The following IMMP2L variants were observed in gnomAD, a reference collection of about 807,000 sequenced individuals.
IMMP2L encodes inner mitochondrial membrane peptidase subunit 2.
IMMP2L carries 18 observed loss-of-function variants against 19.3 expected under a neutral mutation model. The ratio of observed to expected loss-of-function variants is 0.93; its 90% CI spans 0.64 to 1.38. The LOEUF is 1.38. Among genes scored for constraint, IMMP2L ranks in the 40% most tolerant of loss-of-function variants. The pLI is 0.00. For synonymous variants in IMMP2L, 76 were observed against 73.0 expected, an observed-to-expected ratio of 1.04 and a Z score of -0.21; for missense variants, 233 against 218.2, an observed-to-expected ratio of 1.07 and a Z score of -0.43.
At chr7:111,201,494 C>A (rs887206101) in intron 3 of IMMP2L, among the ~76,000 whole-genome samples, 1 of 151,940 alleles carries the variant, frequency 6.6e-6, no homozygotes, top group South Asian at 2.1e-4. Context: ...GGGGGGCAGA[C>A]TGCTTGAGCC....
intron 5 of IMMP2L, among the ~76,000 whole-genome samples, chr7:110,774,982 G>A (rs1799280590): frequency 6.6e-6 from 1 of 151,992 alleles, no homozygotes; most frequent in Non-Finnish European, 1.5e-5. Flanking sequence ...AAATCCATAG[G>A]ATGGAATACC....
chr7:110,734,976 G>T (rs565907561), intron 5 of IMMP2L, among the ~76,000 whole-genome samples: 2 of 152,186 alleles, frequency 1.3e-5, no homozygotes, highest in East Asian at 3.8e-4. Flanking sequence ...ACTTGCAGAG[G>T]TTCCCTTGAC....
At chr7:111,486,839 T>C (rs1479741419) in intron 3 of IMMP2L, among the ~76,000 whole-genome samples, 2 of 152,154 alleles carry the variant, frequency 1.3e-5, no homozygotes, top group South Asian at 2.1e-4. Context: ...TAAATGTCAA[T>C]GATTTTCATG....
At position 111,050,159 on chromosome 7, in the gene IMMP2L, G is replaced by T. The variant is rs913959480; in HGVS notation, c.240-86594C>A. On this transcript the variant is annotated intron_variant, in intron 3 of 5. Transcript: ENST00000405709. ...ATAGGCATTCAATAAGCACTCACTG[G>T]ATAATCCCATACTGTCCTTTCACGA... is the stretch of plus-strand genomic sequence containing the variant. Among the ~76,000 whole-genome samples the T allele has an allele frequency of 5.3e-5, 8 of 152,260 alleles. No individual in the cohort carries two copies. The East Asian group carries it at 1.2e-3, about 22-fold the overall frequency.
chr7:110,895,796 ATT>A (rs774799462), intron 4 of IMMP2L, among the ~76,000 whole-genome samples: 1 of 152,184 alleles, frequency 6.6e-6, no homozygotes, highest in Non-Finnish European at 1.5e-5. Flanking sequence ...TTTAAAAGAT[ATT>A]TTAAAATTGT....
chr7:110,720,447 CA>C (rs1375900697), intron 5 of IMMP2L, among the ~76,000 whole-genome samples: 3 of 152,034 alleles, frequency 2.0e-5, no homozygotes, highest in African/African-American at 7.2e-5. Context: ...ACAATATAAA[CA>C]AAAATGAAAC....
chr7:111,235,458 C>T (rs968089158), intron 3 of IMMP2L, among the ~76,000 whole-genome samples: 2 of 149,648 alleles, frequency 1.3e-5, no homozygotes, highest in Non-Finnish European at 3.0e-5. Context: ...GTAACAAGAG[C>T]GAAACTCCGT....
intron 3 of IMMP2L, among the ~76,000 whole-genome samples, chr7:111,011,878 C>T (rs550286924): frequency 4.7e-4 from 71 of 152,172 alleles, no homozygotes; most frequent in Admixed American, 3.3e-3. Flanking sequence ...GGTAGGAGAG[C>T]GAGCACAAAA....
chr7:110,925,495 T>C (rs1814749924), intron 4 of IMMP2L, among the ~76,000 whole-genome samples: 1 of 152,136 alleles, frequency 6.6e-6, no homozygotes, highest in Non-Finnish European at 1.5e-5. Context: ...GTAGATCTAC[T>C]GACATTCTGT....
At chr7:110,716,848 T>C (rs989379695) in intron 5 of IMMP2L, among the ~76,000 whole-genome samples, 1 of 152,216 alleles carries the variant, frequency 6.6e-6, no homozygotes, top group Admixed American at 6.5e-5. Flanking sequence ...ACTTCCTATA[T>C]GTGATTGAAA....
intron 4 of IMMP2L, among the ~76,000 whole-genome samples, chr7:110,902,643 G>A (rs199870444): frequency 2.3e-5 from 1 of 43,736 alleles, no homozygotes; most frequent in Non-Finnish European, 4.0e-5. Context: ...GTACAGACTC[G>A]GCCGGGCGCG....
chr7:111,479,341 A>G (rs1841983799), intron 3 of IMMP2L, among the ~76,000 whole-genome samples: 1 of 152,090 alleles, frequency 6.6e-6, no homozygotes, highest in South Asian at 2.1e-4. Flanking sequence ...TTTCTAATCC[A>G]GTTTTTTTCA....
chr7:111,328,802 C>T (rs1216754488), intron 3 of IMMP2L, among the ~76,000 whole-genome samples: 2 of 151,772 alleles, frequency 1.3e-5, no homozygotes, highest in Non-Finnish European at 2.9e-5. Context: ...GAAACTTCAA[C>T]GTGCCCTTGG....
At chr7:111,446,679 C>G (rs999242480) in intron 3 of IMMP2L, among the ~76,000 whole-genome samples, 1 of 152,232 alleles carries the variant, frequency 6.6e-6, no homozygotes, top group African/African-American at 2.4e-5. Flanking sequence ...CGCAGTTCCT[C>G]ACCAGCAACG....
intron 5 of IMMP2L, among the ~76,000 whole-genome samples, chr7:110,869,521 T>TA: frequency 6.6e-6 from 1 of 152,196 alleles, no homozygotes. Flanking sequence ...GTTTAAACAG[T>TA]ATGTGAACAC....
intron 5 of IMMP2L, among the ~76,000 whole-genome samples, chr7:110,860,437 A>G (rs779117737): frequency 8.5e-5 from 13 of 152,110 alleles, no homozygotes; most frequent in Non-Finnish European, 1.3e-4. Flanking sequence ...TTATTGACCA[A>G]TTGAATGTTG....
At chr7:110,937,441 G>C (rs146548438) in intron 4 of IMMP2L, among the ~76,000 whole-genome samples, 52 of 152,282 alleles carry the variant, frequency 3.4e-4, no homozygotes, top group African/African-American at 1.1e-3. Flanking sequence ...CCAGTTCAAA[G>C]AGCTTATGTA....
intron 4 of IMMP2L, among the ~76,000 whole-genome samples, chr7:110,915,521 C>T (rs1425525346): frequency 6.6e-6 from 1 of 152,144 alleles, no homozygotes; most frequent in Non-Finnish European, 1.5e-5. Context: ...AAGATAAATA[C>T]GTTCTGAAGA....
chr7:111,086,907 A>C (rs367850147), intron 3 of IMMP2L, among the ~76,000 whole-genome samples: 7 of 152,320 alleles, frequency 4.6e-5, no homozygotes, highest in African/African-American at 1.7e-4. Flanking sequence ...TTCCTTTTTA[A>C]AAATAGTATT....
Sources: gnomAD v4.1 joint callset for allele counts (sites outside exome capture counted in the v4.1 genomes callset) on GRCh38, gnomAD v4.1.1 for gene constraint, MANE v1.5 for transcripts, NCBI Gene and HGNC (gene_info 2026-07-23, HGNC 2026-07-21) for gene names.